The following PCDHGA1 variants were observed in gnomAD, a reference collection of about 807,000 sequenced individuals.
PCDHGA1 encodes protocadherin gamma subfamily A, 1.
PCDHGA1 carries 32 observed loss-of-function variants against 58.0 expected under a neutral mutation model. The ratio of observed to expected loss-of-function variants is 0.55; its 90% CI spans 0.42 to 0.74. The LOEUF is 0.74. Ranked by LOEUF, PCDHGA1 falls within the 30% of genes least tolerant of loss-of-function variation. The probability of loss-of-function intolerance (pLI) is 0.00; values close to 1 mark genes in which losing one functional copy is unlikely to be tolerated. For missense variants in PCDHGA1, 1,205 were observed against 1,182.3 expected (o/e 1.02, Z -0.28); for synonymous variants, 498 against 501.1 (o/e 0.99, Z 0.08).
chr5:141,490,402 G>A lies in PCDHGA1; in HGVS notation c.2422-4405G>A. On this transcript the variant is annotated intron_variant, in intron 1 of 3. Coordinates refer to ENST00000517417, the MANE Select transcript of PCDHGA1 (RefSeq NM_018912.3). This position sits in a 1 kb window ranked among gnomAD's most constrained non-coding sequence, Gnocchi z 5.4. The stretch of plus-strand genomic sequence containing the variant: ...AGGTAGAAATGGTGAAGTGAGCCTT[G>A]ATATCTCTCCGGACCTGCCATTTCA... 6.2e-7 allele frequency: 1 copy of A among 1,614,182 alleles called. No homozygotes were observed. The highest frequency in any genetic ancestry group is 8.5e-7 in the Non-Finnish European group (1 of 1,180,024).
chr5:141,364,680 A>G (rs751537197), intron 1 of PCDHGA1: 1 of 1,614,008 alleles, frequency 6.2e-7, no homozygotes, highest in Non-Finnish European at 8.5e-7. Flanking sequence ...ATGAAAATTT[A>G]TGGAGTAGAA....
At chr5:141,370,531 T>C (rs373245420) in intron 1 of PCDHGA1, 8 of 1,613,822 alleles carry the variant, frequency 5.0e-6, no homozygotes, top group Middle Eastern at 1.6e-4. Flanking sequence ...AGGGGCTCGC[T>C]GGTAGGGAAC....
At chr5:141,373,914 G>C (rs1769957437) in intron 1 of PCDHGA1, 1 of 640,042 alleles carries the variant, frequency 1.6e-6, no homozygotes, top group African/African-American at 1.9e-5. Flanking sequence ...CAACAACAAA[G>C]CAAATTAGAC....
At chr5:141,352,464 T>C in intron 1 of PCDHGA1, 1 of 1,613,988 alleles carries the variant, frequency 6.2e-7, no homozygotes, top group East Asian at 2.2e-5. Context: ...GGGCCCGGGG[T>C]TCCTCCCAAC....
At chr5:141,350,497 G>A in intron 1 of PCDHGA1, 1 of 1,613,990 alleles carries the variant, frequency 6.2e-7, no homozygotes, top group Non-Finnish European at 8.5e-7. Flanking sequence ...TGGAGAGCGG[G>A]GATTTGTTAG....
intron 1 of PCDHGA1, among the ~76,000 whole-genome samples, chr5:141,469,802 CATT>C (rs2099211643): frequency 6.6e-6 from 1 of 152,022 alleles, no homozygotes; most frequent in Admixed American, 6.6e-5. Context: ...ATTGCAAAAA[CATT>C]GTAGATAGAA....
rs70988800 is a variant in PCDHGA1, at chr5:141,379,889, C to CTTTTTTTTTTTTTTTTTTTTTTT, written c.2421+46792_2421+46814dup. Among the ~76,000 whole-genome samples the CTTTTTTTTTTTTTTTTTTTTTTT allele has an allele frequency of 1.4e-3, 69 of 50,828 alleles. 14 individuals are homozygous for CTTTTTTTTTTTTTTTTTTTTTTT. The highest frequency in any genetic ancestry group is 2.0e-3 in the Non-Finnish European group (53 of 25,880). 33.3% of individuals were successfully genotyped at this position (50,828 alleles called of 152,430 possible). Reference sequence around the variant, plus strand: ...CTTATTTTATGGTCTGTGAAAGCCTCTTTTTTTTTTTTTTTTTTTTTTTTT... The same window carrying CTTTTTTTTTTTTTTTTTTTTTTT: ...CTTATTTTATGGTCTGTGAAAGCCTCTTTTTTTTTTTTTTTTTTTTTTTTTTTTTTTTTTTTTTTTTTTTTTTT... On this transcript the variant is annotated intron_variant, in intron 1 of 3. Coordinates refer to ENST00000517417, the MANE Select transcript of PCDHGA1 (RefSeq NM_018912.3).
chr5:141,383,204 G>A lies in PCDHGA1; in HGVS notation c.2421+50099G>A, dbSNP rs372087170. 3 of 1,613,922 alleles carry A rather than the reference G, an allele frequency of 1.9e-6. No individual in the cohort carries two copies. In the African/African-American group the frequency reaches 4.0e-5, roughly 22 times the overall value. On this transcript the variant is annotated intron_variant, in intron 1 of 3. Coordinates refer to ENST00000517417, the MANE Select transcript of PCDHGA1 (RefSeq NM_018912.3). ...GAGATCTGCGCTCAGAGTGCGCGGTGTCTGGTAAACTTTAACATCCTGATG... is the reference window on the plus strand; with the variant it reads ...GAGATCTGCGCTCAGAGTGCGCGGTATCTGGTAAACTTTAACATCCTGATG...
intron 1 of PCDHGA1, among the ~76,000 whole-genome samples, chr5:141,442,717 C>T (rs918238654): frequency 1.3e-5 from 2 of 152,166 alleles, no homozygotes; most frequent in African/African-American, 2.4e-5. Flanking sequence ...CATGCCAGAG[C>T]ATTTGGGGCC....
rs1168649993 is a variant in PCDHGA1, at chr5:141,432,243, C to G, written c.2422-62564C>G. On this transcript the variant is annotated intron_variant, in intron 1 of 3. Transcript: ENST00000517417. The surrounding 1 kb of genome is among the most constrained non-coding windows in gnomAD (Gnocchi z 6.0). ...ATCACTTATTCCCTGGCTGAGAACA[C>G]CATCCAAGGGGCAAGCCTATCGTCC... 1 of 1,614,244 alleles carries G rather than the reference C, an allele frequency of 6.2e-7. No individual in the cohort carries two copies. Among genetic ancestry groups the G allele is most frequent in the Non-Finnish European group, 8.5e-7 (1 of 1,180,050 alleles).
Position 141,438,021 on chromosome 5 carries a change from G to T in PCDHGA1, c.2422-56786G>T, listed in dbSNP as rs112167613. ...CTCCCAAATAGCTGAGATTACAGGT[G>T]TGAGCCACCATGCCCGACCACTTTG... On this transcript the variant is annotated intron_variant, in intron 1 of 3. Transcript: ENST00000517417. Among the ~76,000 whole-genome samples the T allele has an allele frequency of 1.6e-3, 250 of 152,256 alleles. 2 individuals are homozygous for T. Among genetic ancestry groups the T allele is most frequent in the African/African-American group, 5.3e-3 (221 of 41,544 alleles).
intron 1 of PCDHGA1, among the ~76,000 whole-genome samples, chr5:141,438,587 C>CATAT (rs1372372472): frequency 2.7e-5 from 2 of 73,430 alleles, no homozygotes; most frequent in Non-Finnish European, 5.2e-5. Context: ...TACATACATA[C>CATAT]ATACATATAT....
chr5:141,399,832 G>C (rs2093898646), intron 1 of PCDHGA1: 1 of 1,613,034 alleles, frequency 6.2e-7, no homozygotes, highest in Admixed American at 1.7e-5. Context: ...CGACGGCTCT[G>C]CGCTCTTCGA....
intron 1 of PCDHGA1, chr5:141,360,626 C>T (rs767378932): frequency 1.5e-5 from 24 of 1,613,892 alleles, no homozygotes; most frequent in Non-Finnish European, 7.6e-6. Flanking sequence ...GATGTTGGTC[C>T]TAACTCACTA....
In PCDHGA1 at chr5:141,505,352, C is replaced by T. The variant is rs371829394; in HGVS notation, c.2481-41C>T. 1.5e-5 allele frequency: 25 copies of T among 1,613,302 alleles called. No individual in the cohort carries two copies. In the South Asian group the frequency reaches 2.7e-4, roughly 18 times the overall value. ...AGGACAGGAGGGGCATGAGCTGTGCCGGCCTGGGAGTCTGTGCTCACCATC... is the reference window on the plus strand; with the variant it reads ...AGGACAGGAGGGGCATGAGCTGTGCTGGCCTGGGAGTCTGTGCTCACCATC... On this transcript the variant is annotated intron_variant, in intron 2 of 3. Transcript: ENST00000517417.
intron 1 of PCDHGA1, chr5:141,415,388 G>T: frequency 6.2e-7 from 1 of 1,614,236 alleles, no homozygotes; most frequent in Non-Finnish European, 8.5e-7. Context: ...GGCTTGACAG[G>T]TGTGTCCGGC....
At chr5:141,389,745 A>G in intron 1 of PCDHGA1, 1 of 1,612,748 alleles carries the variant, frequency 6.2e-7, no homozygotes, top group Non-Finnish European at 8.5e-7. Context: ...GGGGCTGCGC[A>G]CGGGCGAAGT....
At chr5:141,418,836 C>T (rs2096292464) in intron 1 of PCDHGA1, 1 of 1,613,984 alleles carries the variant, frequency 6.2e-7, no homozygotes, top group Non-Finnish European at 8.5e-7. Flanking sequence ...GACCGAGGAT[C>T]TCTCTCAACA....
At chr5:141,457,514 CAATT>C (rs1258794594) in intron 1 of PCDHGA1, among the ~76,000 whole-genome samples, 2 of 152,260 alleles carry the variant, frequency 1.3e-5, no homozygotes, top group African/African-American at 4.8e-5. Context: ...AGCTTAAAAA[CAATT>C]AATGAGACTA....
Sources: gnomAD v4.1 joint callset for allele counts (sites outside exome capture counted in the v4.1 genomes callset) on GRCh38, gnomAD v4.1.1 for gene constraint, Gnocchi (gnomAD v3.1) non-coding constraint, MANE v1.5 for transcripts, NCBI Gene and HGNC (gene_info 2026-07-23, HGNC 2026-07-21) for gene names.